Variants in AGMO observed in about 807,000 individuals in gnomAD.
AGMO encodes alkylglycerol monooxygenase, also known as glyceryl-ether monooxygenase.
Under a neutral mutation model 60.2 loss-of-function variants are expected in AGMO, and 75 were observed. The observed-to-expected ratio is 1.25, with a 90% CI of 1.03 to 1.51. The LOEUF is 1.51. AGMO is among the 40% of genes most tolerant of loss of function. The probability of loss-of-function intolerance (pLI) is 0.00; values close to 1 mark genes in which losing one functional copy is unlikely to be tolerated. For synonymous variants in AGMO, 261 were observed against 177.1 expected, an observed-to-expected ratio of 1.47 and a Z score of -3.76; for missense variants, 763 against 525.5, an observed-to-expected ratio of 1.45 and a Z score of -4.42.
chr7:15,387,784 A>C (rs987845117), intron 8 of AGMO, among the ~76,000 whole-genome samples: 1 of 152,214 alleles, frequency 6.6e-6, no homozygotes, highest in Non-Finnish European at 1.5e-5. Flanking sequence ...TGAAATGTAA[A>C]AACAGGGCAA....
At chr7:15,346,465 G>A (rs964690541) in intron 12 of AGMO, among the ~76,000 whole-genome samples, 1 of 151,676 alleles carries the variant, frequency 6.6e-6, no homozygotes, top group Non-Finnish European at 1.5e-5. Flanking sequence ...TGTAAAACAG[G>A]CCATTATTTA....
intron 12 of AGMO, among the ~76,000 whole-genome samples, chr7:15,231,954 T>G (rs1204245508): frequency 6.6e-6 from 1 of 152,196 alleles, no homozygotes; most frequent in Non-Finnish European, 1.5e-5. Context: ...AAAGGTGGGT[T>G]ATGCACAGAA....
At chr7:15,298,955 A>C (rs1784479750) in intron 12 of AGMO, among the ~76,000 whole-genome samples, 1 of 151,936 alleles carries the variant, frequency 6.6e-6, no homozygotes. Context: ...GTGATATTTC[A>C]CACCTCATGT....
chr7:15,228,424 T>A (rs1391554559), intron 12 of AGMO, among the ~76,000 whole-genome samples: 2 of 151,864 alleles, frequency 1.3e-5, no homozygotes, highest in African/African-American at 2.4e-5. Flanking sequence ...AGGCAGAATA[T>A]GAAGAAAGAG....
At chr7:15,174,708 TAA>T in the AGMO span, among the ~76,000 whole-genome samples, 173 of 152,172 alleles carry the variant, frequency 1.1e-3, no homozygotes, top group African/African-American at 4.1e-3. Context: ...AATTACAAAG[TAA>T]GCATACATGC....
chr7:15,508,174 G>A (rs1286606470), intron 3 of AGMO, among the ~76,000 whole-genome samples: 1 of 152,024 alleles, frequency 6.6e-6, no homozygotes, highest in Non-Finnish European at 1.5e-5. Context: ...ATGCAAGCAG[G>A]TAAATCTAAA....
At chr7:15,357,805 G>A (rs1782598437) in intron 12 of AGMO, among the ~76,000 whole-genome samples, 1 of 152,170 alleles carries the variant, frequency 6.6e-6, no homozygotes. Flanking sequence ...GTAGGCCCAG[G>A]TGAACGCAGC....
intron 3 of AGMO, among the ~76,000 whole-genome samples, chr7:15,527,232 C>T (rs1289237827): frequency 6.6e-6 from 1 of 152,016 alleles, no homozygotes; most frequent in Non-Finnish European, 1.5e-5. Flanking sequence ...TGGAAAGCAG[C>T]CAAGTAGTGG....
chr7:15,311,739 AAGTG>A (rs1456109651), intron 12 of AGMO, among the ~76,000 whole-genome samples: 1 of 152,236 alleles, frequency 6.6e-6, no homozygotes, highest in Non-Finnish European at 1.5e-5. Flanking sequence ...CAAAGCATTT[AAGTG>A]AGAACACACA....
chr7:15,212,204 A>T (rs1024743754), intron 12 of AGMO, among the ~76,000 whole-genome samples: 1 of 151,682 alleles, frequency 6.6e-6, no homozygotes, highest in Non-Finnish European at 1.5e-5. Context: ...AAATAAATAC[A>T]TTATTCTATC....
intron 10 of AGMO, among the ~76,000 whole-genome samples, chr7:15,375,551 C>T (rs867169166): frequency 1.3e-5 from 2 of 151,864 alleles, no homozygotes; most frequent in African/African-American, 4.8e-5. Flanking sequence ...CACCTGCCAC[C>T]GCACCCAGCT....
intron 3 of AGMO, among the ~76,000 whole-genome samples, chr7:15,432,629 TTGTCATCAACCACAGCAGATATGTAAC>T (rs1408064835): frequency 6.6e-6 from 1 of 151,788 alleles, no homozygotes; most frequent in Non-Finnish European, 1.5e-5. Context: ...GGAACACGTA[TTGTCATCAACCACAGCAGATATGTAAC>T]TTAGATCCCA....
chr7:15,224,670 G>A (rs1276095827), intron 12 of AGMO, among the ~76,000 whole-genome samples: 1 of 151,980 alleles, frequency 6.6e-6, no homozygotes, highest in Non-Finnish European at 1.5e-5. Context: ...TCATGTCCCT[G>A]AAACTCTCTA....
chr7:15,531,071 CTA>C (rs1253279624), intron 3 of AGMO, among the ~76,000 whole-genome samples: 2 of 62,016 alleles, frequency 3.2e-5, no homozygotes. Context: ...TGTATATATT[CTA>C]TATATATTCT....
At chr7:15,426,013 A>G (rs1239127450) in intron 4 of AGMO, among the ~76,000 whole-genome samples, 1 of 152,222 alleles carries the variant, frequency 6.6e-6, no homozygotes, top group African/African-American at 2.4e-5. Context: ...GTTCAATACT[A>G]GCTTTATAGA....
intron 4 of AGMO, among the ~76,000 whole-genome samples, chr7:15,420,189 T>C (rs866032054): frequency 4.6e-5 from 7 of 152,068 alleles, no homozygotes; most frequent in East Asian, 1.9e-4. Context: ...ACAGCTATTA[T>C]GGAAAAAGTG....
chr7:15,416,138 A>G (rs1430969658), intron 5 of AGMO, among the ~76,000 whole-genome samples: 1 of 151,174 alleles, frequency 6.6e-6, no homozygotes, highest in African/African-American at 2.4e-5. Flanking sequence ...GGTTCAAGCA[A>G]TTATTCTGCC....
chr7:15,512,568 C>A (rs975733641), intron 3 of AGMO, among the ~76,000 whole-genome samples: 3 of 152,090 alleles, frequency 2.0e-5, no homozygotes, highest in Non-Finnish European at 2.9e-5. Context: ...TCTGATACTC[C>A]TTTTTCAATT....
chr7:15,243,926 T>C (rs1272913497), intron 12 of AGMO, among the ~76,000 whole-genome samples: 1 of 152,174 alleles, frequency 6.6e-6, no homozygotes, highest in Non-Finnish European at 1.5e-5. Flanking sequence ...AGATGTTGAT[T>C]GTTTTAATAT....
Sources: allele counts gnomAD v4.1 joint callset (sites outside exome capture counted in the v4.1 genomes callset), GRCh38; gene constraint gnomAD v4.1.1; transcripts MANE v1.5; gene names NCBI Gene and HGNC (gene_info 2026-07-23, HGNC 2026-07-21).